The following LSAMP variants were observed in gnomAD, a reference collection of about 807,000 sequenced individuals.
LSAMP encodes limbic system associated membrane protein.
Under a neutral mutation model 38.6 loss-of-function variants are expected in LSAMP, and 7 were observed. That is an observed-to-expected ratio of 0.18 (90% CI 0.10 to 0.34). The LOEUF (loss-of-function observed/expected upper bound fraction) is 0.34, where lower values mean the gene tolerates loss of function less well. Ranked by LOEUF, LSAMP falls within the 10% of genes least tolerant of loss-of-function variation. The pLI, the probability that LSAMP is intolerant of heterozygous loss-of-function variation, is 1.00. For missense variants in LSAMP, 313 were observed against 420.0 expected (o/e 0.75, Z 2.23); for synonymous variants, 154 against 166.8 (o/e 0.92, Z 0.59).
chr3:115,954,614 T>C (rs1333932423), intron 3 of LSAMP, among the ~76,000 whole-genome samples: 1 of 152,224 alleles, frequency 6.6e-6, no homozygotes, highest in African/African-American at 2.4e-5. Flanking sequence ...TCTTTCAATG[T>C]TGGGGCCAAA....
chr3:116,026,052 C>T (rs1424708845), intron 2 of LSAMP, among the ~76,000 whole-genome samples: 3 of 152,086 alleles, frequency 2.0e-5, no homozygotes, highest in East Asian at 1.9e-4. Context: ...CTCAAAGTGC[C>T]GAGATTACAG....
chr3:115,915,760 G>A (rs2107513641), intron 3 of LSAMP, among the ~76,000 whole-genome samples: 1 of 152,118 alleles, frequency 6.6e-6, no homozygotes, highest in Middle Eastern at 3.4e-3. Context: ...AGCCTCCCAA[G>A]TAGCTGGGAC....
intron 1 of LSAMP, among the ~76,000 whole-genome samples, chr3:116,108,252 G>A (rs967878586): frequency 2.0e-5 from 3 of 152,174 alleles, no homozygotes; most frequent in Non-Finnish European, 2.9e-5. Flanking sequence ...TCCAGGAATA[G>A]TCAGGGAAGC....
intron 1 of LSAMP, among the ~76,000 whole-genome samples, chr3:116,101,248 T>A (rs1708340767): frequency 6.6e-6 from 1 of 152,180 alleles, no homozygotes; most frequent in Non-Finnish European, 1.5e-5. Flanking sequence ...AGCGGAGAAG[T>A]TGTGACAGGA....
intron 3 of LSAMP, among the ~76,000 whole-genome samples, chr3:115,917,026 A>G (rs1937266566): frequency 6.6e-6 from 1 of 152,208 alleles, no homozygotes; most frequent in Non-Finnish European, 1.5e-5. Flanking sequence ...GTTCTGCAAA[A>G]TACCAAGCAG....
chr3:115,962,899 C>T (rs1389706912), intron 3 of LSAMP, among the ~76,000 whole-genome samples: 1 of 152,164 alleles, frequency 6.6e-6, no homozygotes, highest in Non-Finnish European at 1.5e-5. Flanking sequence ...ACAGTATCAT[C>T]CTCTAATTCC....
intron 1 of LSAMP, among the ~76,000 whole-genome samples, chr3:116,373,565 C>G (rs971680227): frequency 6.6e-6 from 1 of 151,518 alleles, no homozygotes; most frequent in African/African-American, 2.4e-5. Flanking sequence ...TTAAATATGC[C>G]TAAGACAGTA....
chr3:115,826,695 C>T (rs1934423767), intron 6 of LSAMP, among the ~76,000 whole-genome samples: 1 of 152,168 alleles, frequency 6.6e-6, no homozygotes, highest in Non-Finnish European at 1.5e-5. Context: ...AGATATTGTG[C>T]ATGTCAAATT....
chr3:115,884,885 G>T (rs1326240937), intron 3 of LSAMP, among the ~76,000 whole-genome samples: 3 of 151,922 alleles, frequency 2.0e-5, no homozygotes, highest in African/African-American at 7.3e-5. Context: ...AATAAAAGAG[G>T]TATTCCTTTA....
chr3:116,231,515 T>C (rs973954976), intron 1 of LSAMP, among the ~76,000 whole-genome samples: 3 of 152,214 alleles, frequency 2.0e-5, no homozygotes, highest in African/African-American at 7.2e-5. Context: ...GGGATCCTAG[T>C]GTATATCTTA....
chr3:115,843,356 A>G (rs1935055694), intron 4 of LSAMP, among the ~76,000 whole-genome samples: 1 of 152,250 alleles, frequency 6.6e-6, no homozygotes. Flanking sequence ...CTAATTTTCC[A>G]TGACTCATTC....
In LSAMP at chr3:116,229,161, T is replaced by C. The variant is rs575005510; in HGVS notation, c.156-142605A>G. The stretch of plus-strand genomic sequence containing the variant: ...GAAAGTGTTTCTTTTGGGAGAAGTA[T>C]AGTGTTATTCTATGAAATTCAGATA... On this transcript the variant is annotated intron_variant, in intron 1 of 6. Transcript: ENST00000490035. 4.6e-5 allele frequency among the ~76,000 whole-genome samples: 7 copies of C among 152,232 alleles called. No individual in the cohort carries two copies. The South Asian group carries it at 8.3e-4, about 18-fold the overall frequency.
chr3:116,266,632 G>A (rs1471555324), intron 1 of LSAMP, among the ~76,000 whole-genome samples: 1 of 152,126 alleles, frequency 6.6e-6, no homozygotes, highest in South Asian at 2.1e-4. Flanking sequence ...TATGCCTTAT[G>A]TCCAGATTTG....
chr3:116,123,375 T>C (rs1256086184), intron 1 of LSAMP, among the ~76,000 whole-genome samples: 2 of 151,656 alleles, frequency 1.3e-5, no homozygotes, highest in Non-Finnish European at 3.0e-5. Context: ...TATTCTGAAC[T>C]TAACTTGTGC....
Position 116,281,099 on chromosome 3 carries a change from G to T in LSAMP, c.155+163778C>A, listed in dbSNP as rs148659006. On this transcript the variant is annotated intron_variant, in intron 1 of 6. Coordinates refer to ENST00000490035, the MANE Select transcript of LSAMP (RefSeq NM_002338.5). ...CAGTTGCAAACTTGGAAAAAATACA[G>T]GCATGAGAGCTAAGGGATTCCTGAA... Among the ~76,000 whole-genome samples, 96 of 152,198 alleles carry T rather than the reference G, an allele frequency of 6.3e-4. 1 individual carries two copies. In the East Asian group the frequency reaches 0.014, roughly 23 times the overall value.
chr3:116,075,783 C>T lies in LSAMP; in HGVS notation c.388+10541G>A, dbSNP rs6807637. Among the ~76,000 whole-genome samples, 320 of 152,124 alleles carry T rather than the reference C, an allele frequency of 2.1e-3. 1 individual carries two copies. Among genetic ancestry groups the T allele is most frequent in the African/African-American group, 6.9e-3 (287 of 41,530 alleles). ...CTCGAACTCCTGACCTCAGGTGATC[C>T]GCTCACCTCAGCCTCCCAAAGTGTT... On this transcript the variant is annotated intron_variant, in intron 2 of 6. Transcript: ENST00000490035.
intron 3 of LSAMP, among the ~76,000 whole-genome samples, chr3:115,954,971 T>G (rs1163752970): frequency 6.6e-6 from 1 of 151,860 alleles, no homozygotes; most frequent in Non-Finnish European, 1.5e-5. Context: ...TTTTTTTTTT[T>G]TGAGATGGAG....
intron 1 of LSAMP, among the ~76,000 whole-genome samples, chr3:116,390,826 T>C (rs73861671): frequency 0.02 from 3,061 of 151,640 alleles, 116 homozygotes; most frequent in African/African-American, 0.071. Context: ...TGGGAGCCTA[T>C]GAAGTGTCAT....
intron 1 of LSAMP, among the ~76,000 whole-genome samples, chr3:116,233,391 C>T (rs868223168): frequency 4.9e-4 from 53 of 109,168 alleles, no homozygotes; most frequent in African/African-American, 1.8e-3. Flanking sequence ...CCAGCCTGGG[C>T]GACAGAGCGA....
Sources: allele counts gnomAD v4.1 joint callset (sites outside exome capture counted in the v4.1 genomes callset), GRCh38; gene constraint gnomAD v4.1.1; transcripts MANE v1.5; gene names NCBI Gene and HGNC (gene_info 2026-07-23, HGNC 2026-07-21).